TXLNA: variants seen among roughly 807,000 people sequenced by gnomAD.
TXLNA encodes the protein taxilin alpha, also known as alpha-taxilin.
Under a neutral mutation model 61.4 loss-of-function variants are expected in TXLNA, and 9 were observed. The observed-to-expected ratio is 0.15, with a 90% CI of 0.09 to 0.26. TXLNA has a LOEUF of 0.26. Among genes scored for constraint, TXLNA ranks in the 10% least tolerant of loss-of-function variants. The pLI is 1.00. For missense variants in TXLNA, 565 were observed against 688.8 expected (o/e 0.82, Z 2.01); for synonymous variants, 257 against 267.7 (o/e 0.96, Z 0.39).
chr1:32,187,949 C>G lies in TXLNA; in HGVS notation c.598-5C>G, dbSNP rs185838692. 3.1e-6 allele frequency: 5 copies of G among 1,613,054 alleles called. No homozygotes were observed. In the East Asian group the frequency reaches 1.1e-4, roughly 36 times the overall value. On this transcript the variant is annotated splice_region_variant and splice_polypyrimidine_tract_variant and intron_variant, in intron 4 of 10. Transcript: ENST00000373610. ...CTCACCTGCCCTCCCTATCCCTGTC[C>G]CCAGCTGGAGGAGCACCGGAATTCA...
chr1:32,185,043 C>T (rs1271712823), intron 4 of TXLNA, among the ~76,000 whole-genome samples: 2 of 152,228 alleles, frequency 1.3e-5, no homozygotes, highest in Non-Finnish European at 2.9e-5. Flanking sequence ...TTAACAGAAA[C>T]TAGACTAGCT....
intron 10 of TXLNA, among the ~76,000 whole-genome samples, 155 bp from the exon 11 acceptor site, chr1:32,194,747 A>T (rs146232976): frequency 0.011 from 1,699 of 152,286 alleles, 26 homozygotes; most frequent in African/African-American, 0.039. Flanking sequence ...CCCACCTGAC[A>T]GCCTAGTCAT....
Position 32,192,269 on chromosome 1 carries a change from G to C in TXLNA, c.964-42G>C, listed in dbSNP as rs1169571839. 6.2e-7 allele frequency: 1 copy of C among 1,607,320 alleles called. No homozygotes were observed. The highest frequency in any genetic ancestry group is 1.3e-5 in the African/African-American group (1 of 74,832). On this transcript the variant is annotated intron_variant, in intron 6 of 10. Coordinates refer to ENST00000373610, the MANE Select transcript of TXLNA (RefSeq NM_175852.4). The surrounding 1 kb of genome is among the most constrained non-coding windows in gnomAD (Gnocchi z 4.2). ...GGCTGTGGGGCTACCCTGAGAAAGG[G>C]AGCGCCTGACAAGCCGACTGCTCCC...
intron 10 of TXLNA, 115 bp from the exon 11 acceptor site, chr1:32,194,787 G>T (rs902194812): frequency 6.8e-5 from 87 of 1,278,784 alleles, no homozygotes; most frequent in Non-Finnish European, 9.2e-5. Context: ...TCCTAGAGGG[G>T]GCCAGCTTTG....
rs541820814 is a variant in TXLNA at position 32,195,326 on chromosome 1, C to T, written c.*131C>T. On this transcript the variant is annotated 3_prime_UTR_variant, in exon 11 of 11. Coordinates refer to ENST00000373610, the MANE Select transcript of TXLNA (RefSeq NM_175852.4). ...TGACCTGGCTGGCATCTGGCACTTG[C>T]AATTTTGGATTTTGTGGGTCAGTTT... The T allele has an allele frequency of 1.4e-5, 16 of 1,122,660 alleles. No homozygotes were observed. The allele number at this position is 1,122,660 out of a possible 1,614,324, so 69.5% of individuals were successfully genotyped here.
At chr1:32,189,689 T>C (rs534320918) in intron 5 of TXLNA, among the ~76,000 whole-genome samples, 68 of 152,040 alleles carry the variant, frequency 4.5e-4, no homozygotes, top group Non-Finnish European at 1.9e-4. Flanking sequence ...GGACCACAGG[T>C]GCACACCATC....
At chr1:32,181,097 T>C in intron 2 of TXLNA, 145 bp from the exon 3 acceptor site, 1 of 568,584 alleles carries the variant, frequency 1.8e-6, no homozygotes, top group East Asian at 3.0e-5. Flanking sequence ...TGAATGATAC[T>C]CCATTCTTGC....
chr1:32,197,871 C>T lies in TXLNA; in HGVS notation c.*2676C>T, dbSNP rs1026791675. ...AGGTTATCGGACCATGGGCTGAGCTCAGGCACTTTCTGTAGGAGACTGTTA... is the reference window on the plus strand; with the variant it reads ...AGGTTATCGGACCATGGGCTGAGCTTAGGCACTTTCTGTAGGAGACTGTTA... On this transcript the variant is annotated 3_prime_UTR_variant, in exon 11 of 11. Transcript: ENST00000373610. This position sits in a 1 kb window ranked among gnomAD's most constrained non-coding sequence, Gnocchi z 4.6. The T allele has an allele frequency of 3.9e-5, 6 of 152,174 alleles. No homozygotes were observed. Among genetic ancestry groups the T allele is most frequent in the Non-Finnish European group, 8.8e-5 (6 of 68,046 alleles). 9.4% of individuals were successfully genotyped at this position (152,174 alleles called of 1,614,324 possible). A position where few individuals can be genotyped will look rare whatever the true frequency, so the allele number is the denominator to read the frequency against.
intron 6 of TXLNA, among the ~76,000 whole-genome samples, chr1:32,191,280 C>T (rs1430763131): frequency 2.0e-5 from 3 of 152,116 alleles, no homozygotes; most frequent in African/African-American, 4.8e-5. Flanking sequence ...GGATTAGGCC[C>T]TTTCCTAGCC....
chr1:32,183,789 T>C (rs1333630244), intron 3 of TXLNA, among the ~76,000 whole-genome samples: 1 of 150,636 alleles, frequency 6.6e-6, no homozygotes, highest in Non-Finnish European at 1.5e-5. Flanking sequence ...CAAGCTGGAG[T>C]GCAGTGGCGC....
rs1444678595 is a variant in TXLNA at position 32,197,128 on chromosome 1, C to T, written c.*1933C>T. On this transcript the variant is annotated 3_prime_UTR_variant, in exon 11 of 11. Transcript: ENST00000373610. The surrounding 1 kb of genome is among the most constrained non-coding windows in gnomAD (Gnocchi z 4.6). Reference sequence around the variant, plus strand: ...GCTCCAGTAGGGCCTTTTCCCTACCCCAGCCCCTGTGCCAGGCTAAGCTGG... The same window carrying T: ...GCTCCAGTAGGGCCTTTTCCCTACCTCAGCCCCTGTGCCAGGCTAAGCTGG... 2 of 152,394 alleles carry T rather than the reference C, an allele frequency of 1.3e-5. No individual in the cohort carries two copies. Among genetic ancestry groups the T allele is most frequent in the Admixed American group, 6.5e-5 (1 of 15,276 alleles). The allele number at this position is 152,394 out of a possible 1,614,324, so 9.4% of individuals were successfully genotyped here.
intron 10 of TXLNA, 42 bp downstream of exon 10, chr1:32,194,202 T>C: frequency 6.6e-7 from 1 of 1,523,630 alleles, no homozygotes; most frequent in Non-Finnish European, 9.1e-7. Context: ...GGGTGTGCAC[T>C]TAGCGCATAT....
intron 3 of TXLNA, among the ~76,000 whole-genome samples, chr1:32,182,679 A>T (rs1412896916): frequency 6.6e-6 from 1 of 151,634 alleles, no homozygotes; most frequent in Non-Finnish European, 1.5e-5. Flanking sequence ...AAAAAAAAGA[A>T]TCTAGAATCT....
chr1:32,184,324 C>T (rs1276255998), intron 3 of TXLNA, among the ~76,000 whole-genome samples: 2 of 152,124 alleles, frequency 1.3e-5, no homozygotes, highest in Non-Finnish European at 2.9e-5. Context: ...AGCATATCCT[C>T]TGTGATGGTA....
intron 3 of TXLNA, among the ~76,000 whole-genome samples, chr1:32,184,005 G>A (rs977524360): frequency 6.6e-6 from 1 of 152,214 alleles, no homozygotes; most frequent in Non-Finnish European, 1.5e-5. Flanking sequence ...CCAAAGTGCT[G>A]GGATTACAGG....
At chr1:32,180,802 C>G (rs1328033421) in intron 2 of TXLNA, among the ~76,000 whole-genome samples, 1 of 151,768 alleles carries the variant, frequency 6.6e-6, no homozygotes, top group Non-Finnish European at 1.5e-5. Context: ...ACCTCAGCCA[C>G]CAGCAGCTAA....
chr1:32,185,642 C>T (rs1642773430), intron 4 of TXLNA, among the ~76,000 whole-genome samples: 2 of 149,978 alleles, frequency 1.3e-5, no homozygotes, highest in Non-Finnish European at 3.0e-5. Context: ...CCTCGTGATC[C>T]GCCCGCCTCG....
At position 32,197,005 on chromosome 1, in the gene TXLNA, C is replaced by T. The variant is rs1449826061; in HGVS notation, c.*1810C>T. 4.6e-5 allele frequency: 7 copies of T among 152,284 alleles called. No homozygotes were observed. The highest frequency in any genetic ancestry group is 1.0e-4 in the Non-Finnish European group (7 of 68,076). 9.4% of individuals were successfully genotyped at this position (152,284 alleles called of 1,614,324 possible). ...GCTGTGTGAGTGTTGAGATCTCTGCCATCTCTGGCTGAGATACTGCTGTCC... is the reference window on the plus strand; with the variant it reads ...GCTGTGTGAGTGTTGAGATCTCTGCTATCTCTGGCTGAGATACTGCTGTCC... On this transcript the variant is annotated 3_prime_UTR_variant, in exon 11 of 11. Coordinates refer to ENST00000373610, the MANE Select transcript of TXLNA (RefSeq NM_175852.4). This position sits in a 1 kb window ranked among gnomAD's most constrained non-coding sequence, Gnocchi z 4.6.
At chr1:32,184,712 A>T in intron 4 of TXLNA, 96 bp downstream of exon 4, 1 of 757,162 alleles carries the variant, frequency 1.3e-6, no homozygotes, top group East Asian at 2.5e-5. Context: ...TAGGTGGCTT[A>T]ATTCCTGTTC....
Sources: gnomAD v4.1 joint callset for allele counts (sites outside exome capture counted in the v4.1 genomes callset) on GRCh38, gnomAD v4.1.1 for gene constraint, Gnocchi (gnomAD v3.1) non-coding constraint, MANE v1.5 for transcripts, NCBI Gene and HGNC (gene_info 2026-07-23, HGNC 2026-07-21) for gene names.